Variants in NEBL observed in about 807,000 individuals in gnomAD.
The protein encoded by NEBL is LIM and SH3 protein 2.
In NEBL, 122 loss-of-function variants were observed where a neutral mutation model predicts 140.2. The ratio of observed to expected loss-of-function variants is 0.87; its 90% confidence interval spans 0.75 to 1.01. The LOEUF is 1.01. Ranked by LOEUF, NEBL falls within the 50% of genes least tolerant of loss-of-function variation. The probability of loss-of-function intolerance (pLI) is 0.00; values close to 1 mark genes in which losing one functional copy is unlikely to be tolerated. For missense variants in NEBL, 1,365 were observed against 1,231.3 expected (o/e 1.11, Z -1.62); for synonymous variants, 436 against 398.9 (o/e 1.09, Z -1.11).
chr10:21,046,951 G>A (rs1488267291), intron 2 of NEBL, among the ~76,000 whole-genome samples: 1 of 152,094 alleles, frequency 6.6e-6, no homozygotes, highest in Non-Finnish European at 1.5e-5. Context: ...ATAACTAATG[G>A]GGAAGACATC....
At position 20,826,540 on chromosome 10, in the gene NEBL, CT is replaced by C; in HGVS notation, c.1777-2del. On this transcript the variant is annotated splice_acceptor_variant, in intron 17 of 27. Coordinates refer to ENST00000377122, the MANE Select transcript of NEBL (RefSeq NM_006393.3). LOFTEE classifies it high-confidence loss of function. ...CTCCCACTTCTTTCTTATAAAATAC[CT>C]TTATTATAAGAAAAGGAAAAGAATA... 6.3e-7 allele frequency: 1 copy of C among 1,598,296 alleles called. No homozygotes were observed. The highest frequency in any genetic ancestry group is 8.6e-7 in the Non-Finnish European group (1 of 1,166,766).
Position 21,186,727 on chromosome 10 carries a change from A to G in NEBL, n.349-14250T>C, listed in dbSNP as rs182839795. 3.3e-5 allele frequency among the ~76,000 whole-genome samples: 5 copies of G among 152,000 alleles called. No individual in the cohort carries two copies. In the East Asian group the frequency reaches 7.7e-4, roughly 24 times the overall value. On this transcript the variant is annotated intron_variant and non_coding_transcript_variant, in intron 3 of 8. Coordinates refer to the NEBL transcript ENST00000675702. ...GTGTATTTCATGTGAGGCCCAAGAC[A>G]ATTCTTCTTCTTCCATTGTGGCCCA...
chr10:20,785,594 T>G lies in NEBL; in HGVS notation c.*153A>C, dbSNP rs747600300. 9 of 896,146 alleles carry G rather than the reference T, an allele frequency of 1.0e-5. No homozygotes were observed. The highest frequency in any genetic ancestry group is 1.6e-5 in the Non-Finnish European group (9 of 575,256). 55.5% of individuals were successfully genotyped at this position (896,146 alleles called of 1,614,324 possible). A position where few individuals can be genotyped will look rare whatever the true frequency, so the allele number is the denominator to read the frequency against. ...GCTGCTGTTTTCAGCCCAGAGGTCA[T>G]TCCTTCTTCCTGGTACCTGTGTGTC... On this transcript the variant is annotated 3_prime_UTR_variant, in exon 28 of 28. Coordinates refer to ENST00000377122, the MANE Select transcript of NEBL (RefSeq NM_006393.3).
chr10:21,045,957 G>A (rs549522359), intron 2 of NEBL, among the ~76,000 whole-genome samples: 2 of 152,098 alleles, frequency 1.3e-5, no homozygotes, highest in Admixed American at 6.5e-5. Context: ...GATAAGACAC[G>A]GAATGAATCT....
chr10:20,964,489 C>T (rs1836198027), intron 3 of NEBL, among the ~76,000 whole-genome samples: 1 of 152,088 alleles, frequency 6.6e-6, no homozygotes, highest in South Asian at 2.1e-4. Flanking sequence ...CATGGCAAGA[C>T]AGGGAGCAAG....
At chr10:21,262,400 G>A (rs1006726798) in intron 1 of NEBL, among the ~76,000 whole-genome samples, 2 of 152,186 alleles carry the variant, frequency 1.3e-5, no homozygotes, top group African/African-American at 2.4e-5. Context: ...TCGGCTAGGG[G>A]GACCCAAGCT....
In NEBL at chr10:20,854,561, CTTTT is replaced by C. The variant is rs71390794; in HGVS notation, c.904-1916_904-1913del. The stretch of plus-strand genomic sequence containing the variant: ...AGGACATGAAAATGTTCATATAGTA[CTTTT>C]TTTTTTTTTTTTTTTTTTGGACAGG... On this transcript the variant is annotated intron_variant, in intron 9 of 27. Transcript: ENST00000377122. Among the ~76,000 whole-genome samples the C allele has an allele frequency of 1.2e-4, 13 of 107,266 alleles. No individual in the cohort carries two copies. The South Asian group carries it at 2.8e-3, about 23-fold the overall frequency. 70.4% of individuals were successfully genotyped at this position (107,266 alleles called of 152,430 possible).
In NEBL at chr10:20,831,519, G is replaced by A; in HGVS notation, c.1514C>T (p.Thr505Ile). 6.2e-7 allele frequency: 1 copy of A among 1,612,484 alleles called. No homozygotes were observed. Residue 505 changes from threonine (T) to isoleucine (I), a missense_variant, in exon 15 of 28, where the codon ACT becomes ATT. Thr to Ile is a moderately conservative substitution (Grantham distance 89, BLOSUM62 -1). Coordinates refer to ENST00000377122, the MANE Select transcript of NEBL (RefSeq NM_006393.3). ...KGKGMQVSTDTLDVQRAKKAS... is the reference protein window; with the variant it reads ...KGKGMQVSTDILDVQRAKKAS... The stretch of plus-strand genomic sequence containing the variant: ...TTTCTTAGCTCTCTGGACATCAAGA[G>A]TGTCTGTGCTCACCTGCATCCCTTT...
chr10:21,261,197 C>A (rs1269032710), intron 1 of NEBL, among the ~76,000 whole-genome samples: 2 of 152,176 alleles, frequency 1.3e-5, no homozygotes, highest in Non-Finnish European at 2.9e-5. Flanking sequence ...CATGAAACAT[C>A]AAGGCAGTGG....
intron 5 of NEBL, among the ~76,000 whole-genome samples, chr10:20,880,045 C>T (rs1293505607): frequency 6.6e-6 from 1 of 152,172 alleles, no homozygotes; most frequent in Non-Finnish European, 1.5e-5. Context: ...TTAGGTTGGA[C>T]CATCTGTTCT....
chr10:20,825,470 G>A (rs1050111714), intron 18 of NEBL, among the ~76,000 whole-genome samples: 23 of 151,802 alleles, frequency 1.5e-4, no homozygotes, highest in African/African-American at 2.7e-4. Flanking sequence ...CAGCCTGGCC[G>A]ACATGGTGAA....
intron 3 of NEBL, among the ~76,000 whole-genome samples, chr10:20,977,671 G>C (rs1836860489): frequency 6.6e-6 from 1 of 152,060 alleles, no homozygotes; most frequent in Admixed American, 6.5e-5. Context: ...CCCCGCACTG[G>C]GGTGAAAAAA....
In NEBL at chr10:20,998,014, C is replaced by T. The variant is rs1837741882; in HGVS notation, c.249+22103G>A. 2.0e-5 allele frequency among the ~76,000 whole-genome samples: 3 copies of T among 152,036 alleles called. No homozygotes were observed. The South Asian group carries it at 6.2e-4, about 32-fold the overall frequency. On this transcript the variant is annotated intron_variant, in intron 3 of 6. Coordinates refer to the NEBL transcript ENST00000417816. Reference sequence around the variant, plus strand: ...ATGGAGCCAAAAAATAAATTAAATACAATAAAAGGCTATTTATCAGAAATC... The same window carrying T: ...ATGGAGCCAAAAAATAAATTAAATATAATAAAAGGCTATTTATCAGAAATC...
At chr10:21,062,036 A>T (rs918533412) in intron 2 of NEBL, among the ~76,000 whole-genome samples, 8 of 152,352 alleles carry the variant, frequency 5.3e-5, no homozygotes, top group Non-Finnish European at 1.2e-4. Context: ...AAGAGCAAAG[A>T]TGTAAAACTA....
intron 2 of NEBL, among the ~76,000 whole-genome samples, chr10:21,106,298 T>A (rs925821635): frequency 1.9e-4 from 29 of 152,206 alleles, no homozygotes; most frequent in African/African-American, 7.0e-4. Context: ...TAGGTTTTCT[T>A]CTAGGATTTT....
chr10:21,291,704 G>A (rs549958557), intron 1 of NEBL, among the ~76,000 whole-genome samples: 3 of 151,758 alleles, frequency 2.0e-5, no homozygotes, highest in Non-Finnish European at 4.4e-5. Context: ...CAAGAGGTCA[G>A]GAGTTCAAGA....
chr10:21,152,677 T>C (rs934840997), intron 2 of NEBL, among the ~76,000 whole-genome samples: 10 of 152,018 alleles, frequency 6.6e-5, no homozygotes, highest in African/African-American at 2.4e-5. Context: ...CAATTGTACA[T>C]CAAGTAATAT....
At chr10:20,902,818 G>T (rs1165366883) in intron 4 of NEBL, among the ~76,000 whole-genome samples, 3 of 151,830 alleles carry the variant, frequency 2.0e-5, no homozygotes, top group African/African-American at 7.3e-5. Context: ...AGAACCAAAG[G>T]GTCAGGCAGG....
chr10:21,053,173 A>T (rs946153507), intron 2 of NEBL, among the ~76,000 whole-genome samples: 1 of 152,244 alleles, frequency 6.6e-6, no homozygotes, highest in Non-Finnish European at 1.5e-5. Context: ...AAACTTTAAA[A>T]TAAAAAAATT....
Sources: allele counts gnomAD v4.1 joint callset (sites outside exome capture counted in the v4.1 genomes callset), GRCh38; gene constraint gnomAD v4.1.1; transcripts MANE v1.5; gene names NCBI Gene and HGNC (gene_info 2026-07-23, HGNC 2026-07-21).